Variants in SLC1A2 observed in about 807,000 individuals in gnomAD.
SLC1A2 encodes solute carrier family 1 member 2, also known as excitatory amino acid transporter 2.
Under a neutral mutation model 48.8 loss-of-function variants are expected in SLC1A2, and 15 were observed. That is an observed-to-expected ratio of 0.31 (90% confidence interval 0.21 to 0.47). The LOEUF is 0.47. Among genes scored for constraint, SLC1A2 ranks in the 20% least tolerant of loss-of-function variants. SLC1A2 has a pLI of 0.99. For synonymous variants in SLC1A2, 279 were observed against 272.6 expected, an observed-to-expected ratio of 1.02 and a Z score of -0.23; for missense variants, 502 against 730.5, an observed-to-expected ratio of 0.69 and a Z score of 3.61.
At chr11:35,417,427 C>G (rs1855641884) in intron 1 of SLC1A2, among the ~76,000 whole-genome samples, 1 of 152,178 alleles carries the variant, frequency 6.6e-6, no homozygotes, top group African/African-American at 2.4e-5. Flanking sequence ...TCCACCCTAG[C>G]CTTTACAAGC....
intron 10 of SLC1A2, chr11:35,261,540 T>C (rs1167821833): frequency 5.0e-6 from 2 of 396,810 alleles, no homozygotes; most frequent in East Asian, 3.6e-5. Context: ...ATTACTTCAA[T>C]GCAGACATTT....
chr11:35,309,265 C>T (rs1851612395), intron 4 of SLC1A2, among the ~76,000 whole-genome samples: 1 of 152,132 alleles, frequency 6.6e-6, no homozygotes, highest in Non-Finnish European at 1.5e-5. Flanking sequence ...TAAGTGAGCT[C>T]CTTGGGGCAG....
intron 1 of SLC1A2, among the ~76,000 whole-genome samples, chr11:35,380,206 T>A (rs887306526): frequency 6.6e-6 from 1 of 152,160 alleles, no homozygotes; most frequent in Non-Finnish European, 1.5e-5. Context: ...CAGCATGCAA[T>A]GCCAATACCC....
chr11:35,365,736 T>C (rs1322077897), intron 1 of SLC1A2, among the ~76,000 whole-genome samples: 1 of 152,182 alleles, frequency 6.6e-6, no homozygotes, highest in Non-Finnish European at 1.5e-5. Context: ...ACAGTTTATA[T>C]GTCTGTCTGT....
At chr11:35,399,539 C>T (rs1395105539) in intron 1 of SLC1A2, 4 of 897,906 alleles carry the variant, frequency 4.5e-6, no homozygotes, top group Non-Finnish European at 5.3e-6. Context: ...AATGGTGGGT[C>T]TTGAGACAAG....
At chr11:35,397,215 C>T (rs993547405) in intron 1 of SLC1A2, among the ~76,000 whole-genome samples, 3 of 150,918 alleles carry the variant, frequency 2.0e-5, no homozygotes, top group South Asian at 2.1e-4. Flanking sequence ...CAGCCCACAT[C>T]GCCAAGTCAA....
intron 1 of SLC1A2, among the ~76,000 whole-genome samples, chr11:35,379,619 C>A (rs1444127415): frequency 1.3e-5 from 2 of 152,222 alleles, no homozygotes; most frequent in African/African-American, 4.8e-5. Context: ...CATTTGATCG[C>A]CTTTCCCAGT....
intron 9 of SLC1A2, among the ~76,000 whole-genome samples, chr11:35,278,266 T>G (rs1286509512): frequency 8.5e-6 from 1 of 117,528 alleles, no homozygotes; most frequent in African/African-American, 3.3e-5. Flanking sequence ...TACTTCTGTT[T>G]TTTTTTGTTT....
At position 35,254,583 on chromosome 11, in the gene SLC1A2, C is replaced by G; in HGVS notation, c.*6311G>C. On this transcript the variant is annotated 3_prime_UTR_variant, in exon 11 of 11. Transcript: ENST00000278379. ...GCAAAATGGTTGCCATGAGAAGAAA[C>G]AGTGCCCCAGAAGGAGTGAGGCTCC... is the stretch of plus-strand genomic sequence containing the variant. 2 of 304,630 alleles carry G rather than the reference C, an allele frequency of 6.6e-6. No homozygotes were observed. Among genetic ancestry groups the G allele is most frequent in the Non-Finnish European group, 1.3e-5 (2 of 156,092 alleles). The allele number at this position is 304,630 out of a possible 1,614,324, so 18.9% of individuals were successfully genotyped here.
At position 35,419,169 on chromosome 11, in the gene SLC1A2, G is replaced by A. The variant is rs1015129077; in HGVS notation, c.-203C>T. The A allele has an allele frequency of 1.7e-5, 8 of 465,714 alleles. No homozygotes were observed. Among genetic ancestry groups the A allele is most frequent in the African/African-American group, 1.4e-4 (7 of 48,804 alleles). 28.8% of individuals were successfully genotyped at this position (465,714 alleles called of 1,614,324 possible). ...CCTGCGGGCGCTAATCCGCGTCCCG[G>A]CTCTCCACGGCGCGCGACCCGCGCT... On this transcript the variant is annotated 5_prime_UTR_variant, in exon 1 of 11. Coordinates refer to ENST00000278379, the MANE Select transcript of SLC1A2 (RefSeq NM_004171.4). The surrounding 1 kb of genome is among the most constrained non-coding windows in gnomAD (Gnocchi z 5.4).
At chr11:35,334,814 A>ATTTTG (rs10611656) in intron 1 of SLC1A2, among the ~76,000 whole-genome samples, 3,184 of 147,060 alleles carry the variant, frequency 0.022, 49 homozygotes, top group South Asian at 0.038. Flanking sequence ...CTGGAGAGCA[A>ATTTTG]TTTTGTTTTG....
chr11:35,264,352 T>G (rs1950444533), intron 10 of SLC1A2, among the ~76,000 whole-genome samples: 1 of 152,210 alleles, frequency 6.6e-6, no homozygotes, highest in Non-Finnish European at 1.5e-5. Flanking sequence ...AAATTAGTGA[T>G]TAAATGTGAC....
At chr11:35,270,423 G>A (rs1021684162) in intron 9 of SLC1A2, among the ~76,000 whole-genome samples, 2 of 152,214 alleles carry the variant, frequency 1.3e-5, no homozygotes, top group East Asian at 3.8e-4. Flanking sequence ...TAATAGCTAA[G>A]TAGAAAGAAG....
intron 1 of SLC1A2, chr11:35,370,951 T>C (rs912935840): frequency 5.1e-6 from 5 of 985,188 alleles, no homozygotes; most frequent in Middle Eastern, 1.0e-3. Flanking sequence ...CTTGCTTATT[T>C]GGATAAATCA....
At chr11:35,356,859 A>C (rs1416403009) in intron 1 of SLC1A2, among the ~76,000 whole-genome samples, 1 of 152,208 alleles carries the variant, frequency 6.6e-6, no homozygotes, top group Non-Finnish European at 1.5e-5. Context: ...ACATTATTTA[A>C]GTATTGTTAT....
At chr11:35,348,376 C>A (rs1853117884) in intron 1 of SLC1A2, among the ~76,000 whole-genome samples, 1 of 152,170 alleles carries the variant, frequency 6.6e-6, no homozygotes, top group East Asian at 1.9e-4. Context: ...TATTGATGAG[C>A]AAACCTAATA....
At chr11:35,309,435 C>G (rs1450777340) in intron 4 of SLC1A2, among the ~76,000 whole-genome samples, 1 of 152,202 alleles carries the variant, frequency 6.6e-6, no homozygotes, top group Non-Finnish European at 1.5e-5. Context: ...CTGGATTTAA[C>G]GTTGTAAGGT....
chr11:35,258,665 G>C lies in SLC1A2; in HGVS notation c.*2229C>G, dbSNP rs961255292. On this transcript the variant is annotated 3_prime_UTR_variant, in exon 11 of 11. Transcript: ENST00000278379. The stretch of plus-strand genomic sequence containing the variant: ...CTGTAAAGAATGTATTTTCTGGCCG[G>C]GCACGGTGGCTCACGCCTGTAATCC... 1 of 152,360 alleles carries C rather than the reference G, an allele frequency of 6.6e-6. No individual in the cohort carries two copies. Among genetic ancestry groups the C allele is most frequent in the African/African-American group, 2.4e-5 (1 of 41,416 alleles). The allele number at this position is 152,360 out of a possible 1,614,324, so 9.4% of individuals were successfully genotyped here. A position where few individuals can be genotyped will look rare whatever the true frequency, so the allele number is the denominator to read the frequency against.
At chr11:35,268,987 C>A (rs1349235331) in intron 9 of SLC1A2, among the ~76,000 whole-genome samples, 2 of 152,194 alleles carry the variant, frequency 1.3e-5, no homozygotes, top group East Asian at 3.8e-4. Flanking sequence ...GTGATCTGAA[C>A]GTTTGCATCC....
Sources: gnomAD v4.1 joint callset for allele counts (sites outside exome capture counted in the v4.1 genomes callset) on GRCh38, gnomAD v4.1.1 for gene constraint, Gnocchi (gnomAD v3.1) non-coding constraint, MANE v1.5 for transcripts, NCBI Gene and HGNC (gene_info 2026-07-23, HGNC 2026-07-21) for gene names.